The following TMEM50A variants were observed in gnomAD, a reference collection of about 807,000 sequenced individuals.
TMEM50A encodes the protein cervical cancer oncogene 9.
Under a neutral mutation model 23.9 loss-of-function variants are expected in TMEM50A, and 8 were observed. That is an observed-to-expected ratio of 0.33 (90% CI 0.20 to 0.60). TMEM50A has a LOEUF of 0.60. Ranked by LOEUF, TMEM50A falls within the 20% of genes least tolerant of loss-of-function variation. The pLI, the probability that TMEM50A is intolerant of heterozygous loss-of-function variation, is 0.81. For synonymous variants in TMEM50A, 55 were observed against 60.4 expected, an observed-to-expected ratio of 0.91 and a Z score of 0.41; for missense variants, 178 against 192.7, an observed-to-expected ratio of 0.92 and a Z score of 0.45.
At chr1:25,347,268 C>G (rs2124245653) in intron 3 of TMEM50A, among the ~76,000 whole-genome samples, 1 of 151,558 alleles carries the variant, frequency 6.6e-6, no homozygotes, top group South Asian at 2.1e-4. Flanking sequence ...TAGGCTCTTG[C>G]TCTGTTGCCC....
At chr1:25,351,350 T>C (rs559919775) in intron 3 of TMEM50A, among the ~76,000 whole-genome samples, 2 of 151,884 alleles carry the variant, frequency 1.3e-5, no homozygotes, top group South Asian at 4.2e-4. Flanking sequence ...TCTACAAAAA[T>C]TTTTAAAAAT....
chr1:25,341,819 G>A (rs903811739), intron 2 of TMEM50A, among the ~76,000 whole-genome samples: 4 of 151,888 alleles, frequency 2.6e-5, no homozygotes, highest in Admixed American at 6.6e-5. Context: ...CTCAGCCTCC[G>A]GAGTAGCCTG....
intron 6 of TMEM50A, 27 bp from the exon 7 acceptor site, chr1:25,360,633 A>T (rs1249830996): frequency 3.1e-6 from 5 of 1,613,030 alleles, no homozygotes; most frequent in Non-Finnish European, 4.2e-6. Context: ...TCAGGGAGTC[A>T]TGTGATATTT....
At chr1:25,359,774 G>T (rs957355533) in intron 6 of TMEM50A, among the ~76,000 whole-genome samples, 1 of 151,898 alleles carries the variant, frequency 6.6e-6, no homozygotes, top group African/African-American at 2.4e-5. Context: ...TCATCATCCC[G>T]CTAGGTCTTG....
intron 1 of TMEM50A, 134 bp from the exon 2 acceptor site, chr1:25,340,340 G>T: frequency 1.7e-6 from 1 of 574,072 alleles, no homozygotes; most frequent in South Asian, 2.4e-5. Context: ...ATATTCTGAA[G>T]AAGTATGTGG....
chr1:25,340,953 A>C (rs181209563), intron 2 of TMEM50A, among the ~76,000 whole-genome samples: 1 of 152,202 alleles, frequency 6.6e-6, no homozygotes, highest in South Asian at 2.1e-4. Context: ...CTTTCTTCTC[A>C]GTCTCAGGGA....
rs564016867 is a variant in TMEM50A at position 25,343,039 on chromosome 1, G to A, written c.172G>A (p.Ala58Thr). 2 of 1,613,430 alleles carry A rather than the reference G, an allele frequency of 1.2e-6. No homozygotes were observed. The highest frequency in any genetic ancestry group is 2.7e-5 in the African/African-American group (2 of 75,034). Reference sequence around the variant, plus strand: ...GAAAGATTTCAACCACTCATACCATGCCTGTGGTGTTATAGCAACCATAGC... The same window carrying A: ...GAAAGATTTCAACCACTCATACCATACCTGTGGTGTTATAGCAACCATAGC... ...TMKDFNHSYH[A>T]CGVIATIAFL... The change falls in exon 3 of 7, where the codon GCC (alanine) becomes ACC (threonine). Residue 58 changes from alanine (A) to threonine (T), a missense_variant. By Grantham distance (58) the Ala-to-Thr change is moderately conservative. Transcript: ENST00000374358.
chr1:25,340,661 T>TAA, intron 2 of TMEM50A, 82 bp downstream of exon 2: 2 of 1,011,046 alleles, frequency 2.0e-6, no homozygotes, highest in Non-Finnish European at 3.0e-6. Flanking sequence ...TGTTTTAAAA[T>TAA]ATGTACTATT....
chr1:25,345,602 C>T (rs910680073), intron 3 of TMEM50A, among the ~76,000 whole-genome samples: 7 of 147,108 alleles, frequency 4.8e-5, no homozygotes, highest in Non-Finnish European at 1.1e-4. Flanking sequence ...ATAAATTAGC[C>T]AGGCACGGTG....
At chr1:25,349,095 G>A (rs1202980893) in intron 3 of TMEM50A, among the ~76,000 whole-genome samples, 1 of 152,202 alleles carries the variant, frequency 6.6e-6, no homozygotes, top group Non-Finnish European at 1.5e-5. Flanking sequence ...AGGGTGAAGA[G>A]GCTGTCCAGA....
intron 3 of TMEM50A, 112 bp from the exon 4 acceptor site, chr1:25,351,510 TTAAA>T: frequency 4.5e-6 from 3 of 669,556 alleles, no homozygotes; most frequent in East Asian, 3.6e-5. Flanking sequence ...CCCTGTATCT[TTAAA>T]AAAAAAAAAA....
intron 5 of TMEM50A, among the ~76,000 whole-genome samples, chr1:25,356,412 T>G (rs1038271288): frequency 6.6e-6 from 1 of 152,232 alleles, no homozygotes; most frequent in African/African-American, 2.4e-5. Flanking sequence ...TCATGGGGTC[T>G]TCCTGGCCAT....
At position 25,338,366 on chromosome 1, in the gene TMEM50A, C is replaced by T. The variant is rs1254402779; in HGVS notation, c.-104C>T. 1.3e-5 allele frequency: 2 copies of T among 152,830 alleles called. No individual in the cohort carries two copies. The highest frequency in any genetic ancestry group is 1.9e-4 in the East Asian group (1 of 5,224). 9.5% of individuals were successfully genotyped at this position (152,830 alleles called of 1,614,324 possible). ...CATCCGGGTGTCTGGAGGCTGTGGC[C>T]GTTTTGTTTTCTTGGCTAAAATCGG... On this transcript the variant is annotated 5_prime_UTR_variant, in exon 1 of 7. Coordinates refer to ENST00000374358, the MANE Select transcript of TMEM50A (RefSeq NM_014313.4).
intron 2 of TMEM50A, among the ~76,000 whole-genome samples, chr1:25,341,825 G>A (rs1645171680): frequency 6.6e-6 from 1 of 151,982 alleles, no homozygotes; most frequent in Admixed American, 6.6e-5. Flanking sequence ...CTCCGGAGTA[G>A]CCTGGACCAC....
intron 3 of TMEM50A, among the ~76,000 whole-genome samples, chr1:25,345,291 T>C (rs1212069378): frequency 6.6e-6 from 1 of 151,980 alleles, no homozygotes; most frequent in African/African-American, 2.4e-5. Context: ...CTAAAAATAA[T>C]TTAAAAAGGC....
At chr1:25,340,913 T>C (rs148332781) in intron 2 of TMEM50A, among the ~76,000 whole-genome samples, 1 of 152,202 alleles carries the variant, frequency 6.6e-6, no homozygotes, top group South Asian at 2.1e-4. Context: ...AGTCAATAGA[T>C]GTGATTGCAT....
chr1:25,359,852 G>A (rs1469184560), intron 6 of TMEM50A, among the ~76,000 whole-genome samples: 1 of 152,094 alleles, frequency 6.6e-6, no homozygotes, highest in Non-Finnish European at 1.5e-5. Context: ...TACCACCTCT[G>A]TAAATCCTTT....
intron 1 of TMEM50A, among the ~76,000 whole-genome samples, chr1:25,340,159 C>G (rs1050019489): frequency 1.3e-5 from 2 of 152,130 alleles, no homozygotes; most frequent in African/African-American, 4.8e-5. Context: ...TGGTCTCAAA[C>G]TCCTGACCTC....
In TMEM50A at chr1:25,350,799, G is replaced by T. The variant is rs112167596; in HGVS notation, c.207-827G>T. On this transcript the variant is annotated intron_variant, in intron 3 of 6. Coordinates refer to ENST00000374358, the MANE Select transcript of TMEM50A (RefSeq NM_014313.4). The stretch of plus-strand genomic sequence containing the variant: ...TGCTAGGTTTGGGTTAGGGCCAAGA[G>T]AATTTTCTTGTCAAATAGGTTGCCA... Among the ~76,000 whole-genome samples the T allele has an allele frequency of 5.9e-5, 9 of 152,322 alleles. 1 individual carries two copies. Among genetic ancestry groups the T allele is most frequent in the African/African-American group, 2.2e-4 (9 of 41,586 alleles).
Sources: allele counts gnomAD v4.1 joint callset (sites outside exome capture counted in the v4.1 genomes callset), GRCh38; gene constraint gnomAD v4.1.1; transcripts MANE v1.5; gene names NCBI Gene and HGNC (gene_info 2026-07-23, HGNC 2026-07-21).